SMURF2: variants seen among roughly 807,000 people sequenced by gnomAD.
The protein encoded by SMURF2 is E3 ubiquitin-protein ligase SMURF2.
A neutral mutation model predicts 109.6 loss-of-function variants in SMURF2; 48 were observed. The ratio of observed to expected loss-of-function variants is 0.44; its 90% CI spans 0.35 to 0.56. SMURF2 has a LOEUF of 0.56. Ranked by LOEUF, SMURF2 falls within the 20% of genes least tolerant of loss-of-function variation. The pLI is 0.01. For missense variants in SMURF2, 575 were observed against 909.0 expected (o/e 0.63, Z 4.72); for synonymous variants, 288 against 317.1 (o/e 0.91, Z 0.97).
intron 1 of SMURF2, among the ~76,000 whole-genome samples, chr17:64,613,003 T>C (rs1334355688): frequency 6.6e-6 from 1 of 152,246 alleles, no homozygotes; most frequent in Non-Finnish European, 1.5e-5. Context: ...CAGCCAGCTT[T>C]ACTAAATTAC....
Position 64,547,881 on chromosome 17 carries a change from G to C in SMURF2, c.1870-80C>G, listed in dbSNP as rs1968981986. On this transcript the variant is annotated intron_variant, in intron 16 of 18. Coordinates refer to ENST00000262435, the MANE Select transcript of SMURF2 (RefSeq NM_022739.4). This position sits in a 1 kb window ranked among gnomAD's most constrained non-coding sequence, Gnocchi z 4.2. Reference sequence around the variant, plus strand: ...TTCCTCAAAAGAGAACTTTAGGTTTGTACTGCTGGCTGTCATTTGGTGGTT... The same window carrying C: ...TTCCTCAAAAGAGAACTTTAGGTTTCTACTGCTGGCTGTCATTTGGTGGTT... The C allele has an allele frequency of 5.0e-6, 6 of 1,204,466 alleles. No individual in the cohort carries two copies. Among genetic ancestry groups the C allele is most frequent in the Non-Finnish European group, 7.3e-6 (6 of 821,414 alleles). 74.6% of individuals were successfully genotyped at this position (1,204,466 alleles called of 1,614,324 possible).
chr17:64,618,023 A>T (rs1970149247), intron 1 of SMURF2, among the ~76,000 whole-genome samples: 1 of 152,224 alleles, frequency 6.6e-6, no homozygotes, highest in Admixed American at 6.5e-5. Context: ...AGAATTATAG[A>T]TTTTATTCTA....
chr17:64,622,149 A>T (rs1460636033), intron 1 of SMURF2, among the ~76,000 whole-genome samples: 5 of 151,388 alleles, frequency 3.3e-5, no homozygotes, highest in Non-Finnish European at 7.4e-5. Flanking sequence ...CTTCTATACA[A>T]CTATATATTT....
At chr17:64,606,754 G>A in intron 1 of SMURF2, 114 bp from the exon 2 acceptor site, 2 of 708,914 alleles carry the variant, frequency 2.8e-6, no homozygotes, top group Non-Finnish European at 2.2e-6. Flanking sequence ...ACTATAGCAA[G>A]GTATGAAACA....
rs782309940 is a variant in SMURF2, at chr17:64,546,315, T to TA, written c.2094dup (p.Thr699TyrfsTer6). 6.2e-7 allele frequency: 1 copy of TA among 1,613,972 alleles called. No individual in the cohort carries two copies. Among genetic ancestry groups the TA allele is most frequent in the African/African-American group, 1.3e-5 (1 of 75,026 alleles). ...GTGCAGGCATCAATCTGGTGTATGG[T>TA]AAAGAGTCTCGGGCCTGCAGCACCT... On this transcript the variant is annotated frameshift_variant, in exon 18 of 19. Coordinates refer to ENST00000262435, the MANE Select transcript of SMURF2 (RefSeq NM_022739.4). LOFTEE classifies it high-confidence loss of function.
At chr17:64,590,349 G>T (rs1476765147) in intron 5 of SMURF2, among the ~76,000 whole-genome samples, 1 of 151,718 alleles carries the variant, frequency 6.6e-6, no homozygotes, top group South Asian at 2.1e-4. Context: ...CACCATGTTG[G>T]CCAGGCTGGT....
chr17:64,585,202 A>G (rs1252994818), intron 6 of SMURF2, among the ~76,000 whole-genome samples: 6 of 152,224 alleles, frequency 3.9e-5, no homozygotes, highest in Non-Finnish European at 7.4e-5. Context: ...ATCAGAAAAG[A>G]GTTAGAACTA....
At chr17:64,589,907 C>T (rs571856298) in intron 5 of SMURF2, among the ~76,000 whole-genome samples, 5 of 152,138 alleles carry the variant, frequency 3.3e-5, no homozygotes, top group South Asian at 2.1e-4. Context: ...TCCATGAAAC[C>T]GGTTCCTGGT....
intron 15 of SMURF2, among the ~76,000 whole-genome samples, chr17:64,553,897 A>G: frequency 6.6e-6 from 1 of 152,198 alleles, no homozygotes; most frequent in East Asian, 1.9e-4. Context: ...AGATTTGGGA[A>G]CATAATCTAT....
chr17:64,600,072 T>G (rs536152750), intron 2 of SMURF2, among the ~76,000 whole-genome samples: 72 of 152,282 alleles, frequency 4.7e-4, no homozygotes, highest in Non-Finnish European at 8.7e-4. Flanking sequence ...ACAGTCATAT[T>G]TTTCTATCAG....
chr17:64,659,761 T>C (rs2077708989), intron 1 of SMURF2, among the ~76,000 whole-genome samples: 1 of 152,132 alleles, frequency 6.6e-6, no homozygotes, highest in South Asian at 2.1e-4. Flanking sequence ...ATCTATACCA[T>C]CTAATTTATA....
chr17:64,592,389 G>T (rs561260654), intron 4 of SMURF2, among the ~76,000 whole-genome samples: 1 of 152,178 alleles, frequency 6.6e-6, no homozygotes, highest in African/African-American at 2.4e-5. Context: ...TACCCTGTCA[G>T]CCCAGAAATA....
In SMURF2 at chr17:64,546,283, G is replaced by T; in HGVS notation, c.2127C>A (p.Asn709Lys). The T allele has an allele frequency of 6.2e-7, 1 of 1,614,124 alleles. No individual in the cohort carries two copies. Among genetic ancestry groups the T allele is most frequent in the Non-Finnish European group, 8.5e-7 (1 of 1,179,982 alleles). The change falls in exon 18 of 19, where the codon AAC becomes AAA. Residue 709 changes from asparagine (N) to lysine (K), a missense_variant. Asn to Lys is a moderately conservative substitution (Grantham distance 94). Coordinates refer to ENST00000262435, the MANE Select transcript of SMURF2 (RefSeq NM_022739.4). ...CTTACCAAGTGTGGGCTTTCGGCAGGTTGTTAGTGCAGGCATCAATCTGGT... is the reference window on the plus strand; with the variant it reads ...CTTACCAAGTGTGGGCTTTCGGCAGTTTGTTAGTGCAGGCATCAATCTGGT... ...TIHQIDACTN[N>K]LPKAHTCFNR...
At chr17:64,562,115 A>G (rs1192659682) in intron 11 of SMURF2, among the ~76,000 whole-genome samples, 1 of 151,790 alleles carries the variant, frequency 6.6e-6, no homozygotes, top group Non-Finnish European at 1.5e-5. Flanking sequence ...CAACATGGTG[A>G]AACCCCATCT....
rs371455142 is a variant in SMURF2, at chr17:64,569,396, TGTA to T, written c.1016+2399_1016+2401del. Among the ~76,000 whole-genome samples the T allele has an allele frequency of 8.0e-3, 1,216 of 152,106 alleles. 18 individuals carry two copies. The highest frequency in any genetic ancestry group is 0.028 in the African/African-American group (1,153 of 41,518). ...TATAAATGTATTAAAAACATTTACTTGTAGTGTGAATTTTAGAAGATAAAGATT... is the reference window on the plus strand; with the variant it reads ...TATAAATGTATTAAAAACATTTACTTGTGTGAATTTTAGAAGATAAAGATT... On this transcript the variant is annotated intron_variant, in intron 10 of 18. Transcript: ENST00000262435.
intron 5 of SMURF2, among the ~76,000 whole-genome samples, chr17:64,586,832 A>G (rs1969667297): frequency 6.6e-6 from 1 of 151,266 alleles, no homozygotes; most frequent in Admixed American, 6.6e-5. Context: ...TGAAAAGTCC[A>G]TATTAATTTG....
At chr17:64,593,329 T>C in intron 4 of SMURF2, 111 bp downstream of exon 4, 1 of 845,706 alleles carries the variant, frequency 1.2e-6, no homozygotes, top group Non-Finnish European at 1.6e-6. Flanking sequence ...TATTTTTAAA[T>C]ATATATTTGA....
chr17:64,577,933 T>C (rs1969518887), intron 9 of SMURF2, among the ~76,000 whole-genome samples: 1 of 149,942 alleles, frequency 6.7e-6, no homozygotes, highest in Non-Finnish European at 1.5e-5. Flanking sequence ...ATCCATGTTT[T>C]CATTCCACTT....
At chr17:64,642,698 A>G (rs1340244592) in intron 1 of SMURF2, among the ~76,000 whole-genome samples, 1 of 152,238 alleles carries the variant, frequency 6.6e-6, no homozygotes, top group Non-Finnish European at 1.5e-5. Context: ...CACTGTGTGT[A>G]GGCAAATATT....
Sources: allele counts gnomAD v4.1 joint callset (sites outside exome capture counted in the v4.1 genomes callset), GRCh38; gene constraint gnomAD v4.1.1; non-coding constraint Gnocchi (gnomAD v3.1); transcripts MANE v1.5; gene names NCBI Gene and HGNC (gene_info 2026-07-23, HGNC 2026-07-21).